LYN: variants seen among roughly 807,000 people sequenced by gnomAD.
LYN encodes LYN proto-oncogene, Src family tyrosine kinase.
LYN carries 12 observed loss-of-function variants against 65.0 expected under a neutral mutation model. The observed-to-expected ratio is 0.18, with a 90% CI of 0.12 to 0.30. The LOEUF is 0.30. Among genes scored for constraint, LYN ranks in the 10% least tolerant of loss-of-function variants. The pLI is 1.00. For missense variants in LYN, 380 were observed against 623.2 expected (o/e 0.61, Z 4.16); for synonymous variants, 222 against 221.2 (o/e 1.00, Z -0.03).
chr8:55,900,175 A>C lies in LYN; in HGVS notation c.-6+20072A>C, dbSNP rs139577116. On this transcript the variant is annotated intron_variant, in intron 1 of 12. Coordinates refer to ENST00000519728, the MANE Select transcript of LYN (RefSeq NM_002350.4). ...GTTCTGCCAACTTGGTGCAATTTTT[A>C]CTATAACCATAGCTGGGAAAAATGA... is the stretch of plus-strand genomic sequence containing the variant. Among the ~76,000 whole-genome samples, 1,070 of 152,274 alleles carry C rather than the reference A, an allele frequency of 7.0e-3. 8 individuals carry two copies. Among genetic ancestry groups the C allele is most frequent in the Non-Finnish European group, 5.8e-3 (392 of 68,014 alleles).
chr8:55,926,203 A>G (rs1191670956), intron 1 of LYN, among the ~76,000 whole-genome samples: 1 of 152,154 alleles, frequency 6.6e-6, no homozygotes, highest in African/African-American at 2.4e-5. Context: ...CCCAGATCCA[A>G]CCACTTCCTT....
chr8:55,988,561 A>G (rs1035166853), intron 10 of LYN, among the ~76,000 whole-genome samples: 23 of 152,158 alleles, frequency 1.5e-4, no homozygotes, highest in Non-Finnish European at 3.1e-4. Flanking sequence ...TAGGAAGACA[A>G]TACATCCTTA....
intron 8 of LYN, among the ~76,000 whole-genome samples, chr8:55,964,479 G>C (rs1167149588): frequency 6.6e-6 from 1 of 152,188 alleles, no homozygotes; most frequent in Non-Finnish European, 1.5e-5. Context: ...TAGGTTGACT[G>C]CTAGCTATAA....
Position 55,910,055 on chromosome 8 carries a change from C to T in LYN, c.-6+29952C>T, listed in dbSNP as rs142567297. 2.7e-3 allele frequency among the ~76,000 whole-genome samples: 390 copies of T among 146,246 alleles called. 2 individuals carry two copies. Among genetic ancestry groups the T allele is most frequent in the African/African-American group, 9.0e-3 (355 of 39,428 alleles). ...TAAATTCTGCATATTAGTCCTCTGT[C>T]GAAGGCATAGTTTGCATATACTTTC... On this transcript the variant is annotated intron_variant, in intron 1 of 12. Transcript: ENST00000519728.
intron 8 of LYN, among the ~76,000 whole-genome samples, chr8:55,955,879 T>G (rs1807092702): frequency 6.6e-6 from 1 of 152,248 alleles, no homozygotes; most frequent in Non-Finnish European, 1.5e-5. Context: ...TGAGTAATAT[T>G]CCATTGCATG....
chr8:55,918,649 G>T (rs957002673), intron 1 of LYN, among the ~76,000 whole-genome samples: 2 of 150,820 alleles, frequency 1.3e-5, no homozygotes, highest in African/African-American at 2.4e-5. Context: ...CCAGGTGTTC[G>T]GGGTTGTCTC....
intron 10 of LYN, among the ~76,000 whole-genome samples, chr8:55,991,202 G>C (rs1209358651): frequency 6.6e-6 from 1 of 152,194 alleles, no homozygotes; most frequent in African/African-American, 2.4e-5. Flanking sequence ...TTTCTCACCT[G>C]CTGTGGCCCC....
At chr8:55,924,065 C>CTTT (rs75288345) in intron 1 of LYN, among the ~76,000 whole-genome samples, 8 of 135,100 alleles carry the variant, frequency 5.9e-5, no homozygotes, top group Non-Finnish European at 1.3e-4. Flanking sequence ...CTTTTTCTTT[C>CTTT]TTTTTTTTTT....
chr8:55,960,638 C>T (rs532785397), intron 8 of LYN, among the ~76,000 whole-genome samples: 1 of 152,248 alleles, frequency 6.6e-6, no homozygotes, highest in African/African-American at 2.4e-5. Flanking sequence ...TTTCTCTTAC[C>T]CTTTTTAGTT....
chr8:55,953,246 G>A (rs1404564035), intron 7 of LYN, among the ~76,000 whole-genome samples: 1 of 152,194 alleles, frequency 6.6e-6, no homozygotes, highest in Non-Finnish European at 1.5e-5. Flanking sequence ...ATTTTATTAA[G>A]TGTGACAATC....
chr8:56,001,277 G>A (rs1808503816), intron 12 of LYN, among the ~76,000 whole-genome samples: 1 of 152,178 alleles, frequency 6.6e-6, no homozygotes, highest in Non-Finnish European at 1.5e-5. Flanking sequence ...ACGCACCTAG[G>A]CCATTTGATC....
At chr8:55,892,653 C>T (rs1804989832) in intron 1 of LYN, among the ~76,000 whole-genome samples, 2 of 152,082 alleles carry the variant, frequency 1.3e-5, no homozygotes, top group South Asian at 2.1e-4. Flanking sequence ...AATGATCCTC[C>T]CATCTCGAGA....
Position 55,953,938 on chromosome 8 carries a change from G to A in LYN, c.744G>A (p.Lys248=), listed in dbSNP as rs1463638288. ...GGGAGATCCCCCGGGAGTCCATCAA[G>A]TTGGTGAAAAGGCTTGGCGCTGGGC... is the stretch of plus-strand genomic sequence containing the variant. ...DAWEIPRESI[K]LVKRLGAGQF... is the part of the protein sequence containing the mutation. The change falls in exon 8 of 13, where the codon AAG becomes AAA. Residue 248 remains lysine, a synonymous_variant. Coordinates refer to ENST00000519728, the MANE Select transcript of LYN (RefSeq NM_002350.4). 1.2e-6 allele frequency: 2 copies of A among 1,614,184 alleles called. No individual in the cohort carries two copies. The highest frequency in any genetic ancestry group is 1.7e-6 in the Non-Finnish European group (2 of 1,180,026).
chr8:55,905,031 T>A (rs764520104), intron 1 of LYN, among the ~76,000 whole-genome samples: 9 of 152,102 alleles, frequency 5.9e-5, no homozygotes, highest in Non-Finnish European at 1.3e-4. Flanking sequence ...TTTTTAGAGT[T>A]CCCCAGGTGA....
chr8:55,951,468 C>A (rs1026062509), intron 6 of LYN, among the ~76,000 whole-genome samples: 1 of 151,904 alleles, frequency 6.6e-6, no homozygotes. Flanking sequence ...AGTTTGATAC[C>A]AGCCTGGGCA....
intron 4 of LYN, 117 bp from the exon 5 acceptor site, chr8:55,950,342 T>C (rs1365600368): frequency 1.5e-6 from 1 of 686,170 alleles, no homozygotes; most frequent in African/African-American, 1.8e-5. Context: ...TTTAATTTTT[T>C]AATTGATATG....
At chr8:55,892,157 G>T (rs1458052162) in intron 1 of LYN, among the ~76,000 whole-genome samples, 3 of 152,190 alleles carry the variant, frequency 2.0e-5, no homozygotes, top group Non-Finnish European at 4.4e-5. Flanking sequence ...GCGCAGTGGC[G>T]CACACCTGTA....
intron 1 of LYN, among the ~76,000 whole-genome samples, chr8:55,908,934 T>C (rs1805504878): frequency 6.7e-6 from 1 of 149,518 alleles, no homozygotes; most frequent in South Asian, 2.1e-4. Context: ...TTTTTATGGC[T>C]GCAAAATACA....
At chr8:55,969,432 C>T (rs1267910225) in intron 9 of LYN, among the ~76,000 whole-genome samples, 1 of 152,186 alleles carries the variant, frequency 6.6e-6, no homozygotes, top group East Asian at 1.9e-4. Flanking sequence ...GTGGCAAGTA[C>T]TCTGAAATGC....
Sources: gnomAD v4.1 joint callset for allele counts (sites outside exome capture counted in the v4.1 genomes callset) on GRCh38, gnomAD v4.1.1 for gene constraint, MANE v1.5 for transcripts, NCBI Gene and HGNC (gene_info 2026-07-23, HGNC 2026-07-21) for gene names.